The following WDFY1 variants were observed in gnomAD, a reference collection of about 807,000 sequenced individuals.
The protein encoded by WDFY1 is WD repeat and FYVE domain-containing protein 1.
WDFY1 carries 32 observed loss-of-function variants against 56.4 expected under a neutral mutation model. The observed-to-expected ratio is 0.57, with a 90% CI of 0.43 to 0.76. The LOEUF is 0.76. Ranked by LOEUF, WDFY1 falls within the 30% of genes least tolerant of loss-of-function variation. The pLI is 0.00. For missense variants in WDFY1, 480 were observed against 545.7 expected (o/e 0.88, Z 1.20); for synonymous variants, 192 against 197.3 (o/e 0.97, Z 0.23).
intron 1 of WDFY1, among the ~76,000 whole-genome samples, chr2:223,924,039 C>T (rs1342059366): frequency 1.3e-5 from 2 of 152,166 alleles, no homozygotes; most frequent in Non-Finnish European, 2.9e-5. Flanking sequence ...GAAAAGAAAT[C>T]TTTCCTTAAA....
Position 223,891,839 on chromosome 2 carries a change from G to T in WDFY1, c.831+2395C>A, listed in dbSNP as rs1693284414. Among the ~76,000 whole-genome samples the T allele has an allele frequency of 2.0e-5, 3 of 152,248 alleles. No homozygotes were observed. The South Asian group carries it at 6.2e-4, about 32-fold the overall frequency. The stretch of plus-strand genomic sequence containing the variant: ...TGAGTTTTCCGCTCTCTCAGAATAA[G>T]ACTGAAAAATAATAGGCCAAGAGCC... On this transcript the variant is annotated intron_variant, in intron 8 of 11. Coordinates refer to ENST00000233055, the MANE Select transcript of WDFY1 (RefSeq NM_020830.5).
chr2:223,917,890 T>C, intron 2 of WDFY1, 53 bp downstream of exon 2: 3 of 1,599,044 alleles, frequency 1.9e-6, no homozygotes, highest in Non-Finnish European at 2.6e-6. Context: ...GAAATTTAAA[T>C]CATCAAAAAC....
intron 6 of WDFY1, among the ~76,000 whole-genome samples, chr2:223,898,525 G>A (rs964556538): frequency 6.6e-6 from 1 of 151,892 alleles, no homozygotes; most frequent in Admixed American, 6.6e-5. Flanking sequence ...TCAGCCTTCC[G>A]AGTAGCTAGG....
intron 1 of WDFY1, among the ~76,000 whole-genome samples, chr2:223,921,977 C>T (rs1693894252): frequency 6.6e-6 from 1 of 152,176 alleles, no homozygotes; most frequent in Non-Finnish European, 1.5e-5. Flanking sequence ...CCAGCTACCT[C>T]TCCCAAGGAG....
At chr2:223,932,426 A>T (rs949695180) in intron 1 of WDFY1, among the ~76,000 whole-genome samples, 25 of 152,160 alleles carry the variant, frequency 1.6e-4, no homozygotes, top group Non-Finnish European at 3.4e-4. Flanking sequence ...CGGGTCGATT[A>T]CCTTGAAATT....
intron 6 of WDFY1, 28 bp from the exon 7 acceptor site, chr2:223,895,658 A>G (rs767453631): frequency 1.2e-6 from 2 of 1,607,730 alleles, no homozygotes; most frequent in South Asian, 1.1e-5. Context: ...AGAGAGAGAG[A>G]GGGAGGCAGG....
At chr2:223,896,255 T>C (rs543714352) in intron 6 of WDFY1, among the ~76,000 whole-genome samples, 5 of 144,562 alleles carry the variant, frequency 3.5e-5, no homozygotes, top group Admixed American at 1.4e-4. Flanking sequence ...GTAGCTTACA[T>C]ACAAAATGTT....
rs535654205 is a variant in WDFY1 at position 223,938,785 on chromosome 2, T to C, written c.137+6363A>G. Among the ~76,000 whole-genome samples, 37 of 151,970 alleles carry C rather than the reference T, an allele frequency of 2.4e-4. No homozygotes were observed. The East Asian group carries it at 5.2e-3, about 21-fold the overall frequency. On this transcript the variant is annotated intron_variant, in intron 1 of 11. Coordinates refer to ENST00000233055, the MANE Select transcript of WDFY1 (RefSeq NM_020830.5). ...GTTTGATTACAGTGAACTAGGTGGC[T>C]ATCTGTGAATGACCCCAGGTAAATA...
intron 1 of WDFY1, among the ~76,000 whole-genome samples, chr2:223,925,147 A>C (rs1372944705): frequency 6.6e-6 from 1 of 151,980 alleles, no homozygotes; most frequent in East Asian, 1.9e-4. Context: ...TTATATAATC[A>C]TTACAAATAG....
chr2:223,879,982 C>T (rs976357795), intron 11 of WDFY1, 142 bp downstream of exon 11: 3 of 727,442 alleles, frequency 4.1e-6, no homozygotes, highest in Non-Finnish European at 7.1e-6. Flanking sequence ...CAGAGGCAAG[C>T]AATTTGTTAC....
At chr2:223,936,224 G>T (rs981549394) in intron 1 of WDFY1, among the ~76,000 whole-genome samples, 1 of 151,938 alleles carries the variant, frequency 6.6e-6, no homozygotes, top group Non-Finnish European at 1.5e-5. Flanking sequence ...CCTACACCTG[G>T]CTAATTTTTG....
chr2:223,891,759 G>A lies in WDFY1; in HGVS notation c.831+2475C>T, dbSNP rs563434705. On this transcript the variant is annotated intron_variant, in intron 8 of 11. Coordinates refer to ENST00000233055, the MANE Select transcript of WDFY1 (RefSeq NM_020830.5). ...GAAACCCTCGGGAAAGCCACCAGCAGTGCTGGGCACCAACAGTCTCCTCCC... is the reference window on the plus strand; with the variant it reads ...GAAACCCTCGGGAAAGCCACCAGCAATGCTGGGCACCAACAGTCTCCTCCC... Among the ~76,000 whole-genome samples, 14 of 152,300 alleles carry A rather than the reference G, an allele frequency of 9.2e-5. No homozygotes were observed. In the South Asian group the frequency reaches 2.5e-3, roughly 27 times the overall value.
intron 1 of WDFY1, among the ~76,000 whole-genome samples, chr2:223,924,729 A>C (rs1261562600): frequency 6.6e-6 from 1 of 152,202 alleles, no homozygotes; most frequent in African/African-American, 2.4e-5. Flanking sequence ...CAAGTAAATA[A>C]AATTCCAAAA....
intron 1 of WDFY1, among the ~76,000 whole-genome samples, chr2:223,943,339 C>T (rs2106108092): frequency 6.6e-6 from 1 of 152,266 alleles, no homozygotes; most frequent in South Asian, 2.1e-4. Flanking sequence ...TGGAAGTCAG[C>T]TACAGGTGAA....
Position 223,912,250 on chromosome 2 carries a change from T to A in WDFY1, c.279+3A>T. ...CAATAAATACATTCTAAAAGCTACC[T>A]ACCATTACAGCTCCATTATCCTGGC... is the stretch of plus-strand genomic sequence containing the variant. On this transcript the variant is annotated splice_donor_region_variant and intron_variant, in intron 3 of 11. Transcript: ENST00000233055. The A allele has an allele frequency of 1.9e-6, 3 of 1,607,038 alleles. No individual in the cohort carries two copies. The highest frequency in any genetic ancestry group is 2.5e-6 in the Non-Finnish European group (3 of 1,178,046).
chr2:223,941,265 CTTTT>C (rs35595162), intron 1 of WDFY1, among the ~76,000 whole-genome samples: 1 of 149,072 alleles, frequency 6.7e-6, no homozygotes, highest in African/African-American at 2.5e-5. Context: ...CCCCCAAAAA[CTTTT>C]TTTTTTTAAT....
intron 10 of WDFY1, among the ~76,000 whole-genome samples, chr2:223,881,207 T>C (rs1042676342): frequency 6.6e-6 from 1 of 152,184 alleles, no homozygotes; most frequent in Non-Finnish European, 1.5e-5. Context: ...AGAAAGAACA[T>C]TGGTCTCTAG....
chr2:223,926,661 T>TGTGTA (rs1693988316), intron 1 of WDFY1, among the ~76,000 whole-genome samples: 1 of 151,752 alleles, frequency 6.6e-6, no homozygotes, highest in Admixed American at 6.6e-5. Flanking sequence ...CGTGTGTGTG[T>TGTGTA]GTGTGTGTGT....
Position 223,882,666 on chromosome 2 carries a change from T to G in WDFY1, c.934-594A>C, listed in dbSNP as rs2106070545. Among the ~76,000 whole-genome samples the G allele has an allele frequency of 1.3e-5, 2 of 152,322 alleles. 1 individual carries two copies. The highest frequency in any genetic ancestry group is 4.1e-4 in the South Asian group (2 of 4,834). ...AACAAATTTAGTTCATTTAGGAGCC[T>G]AATCACTGTAGATTTAGGGAAAGAA... On this transcript the variant is annotated intron_variant, in intron 9 of 11. Transcript: ENST00000233055.
Sources: gnomAD v4.1 joint callset for allele counts (sites outside exome capture counted in the v4.1 genomes callset) on GRCh38, gnomAD v4.1.1 for gene constraint, MANE v1.5 for transcripts, NCBI Gene and HGNC (gene_info 2026-07-23, HGNC 2026-07-21) for gene names.